NUDT2: variants seen among roughly 807,000 people sequenced by gnomAD.
The protein encoded by NUDT2 is nudix hydrolase 2.
Under a neutral mutation model 14.2 loss-of-function variants are expected in NUDT2, and 12 were observed. The ratio of observed to expected loss-of-function variants is 0.84; its 90% confidence interval spans 0.54 to 1.37. The LOEUF (loss-of-function observed/expected upper bound fraction) is 1.37, where lower values mean the gene tolerates loss of function less well. Among genes scored for constraint, NUDT2 ranks in the 40% most tolerant of loss-of-function variants. The probability of loss-of-function intolerance (pLI) is 0.00; values close to 1 mark genes in which losing one functional copy is unlikely to be tolerated. For synonymous variants in NUDT2, 67 were observed against 67.4 expected, an observed-to-expected ratio of 0.99 and a Z score of 0.03; for missense variants, 167 against 176.7, an observed-to-expected ratio of 0.95 and a Z score of 0.31.
intron 2 of NUDT2, among the ~76,000 whole-genome samples, chr9:34,338,269 G>A (rs1354681215): frequency 3.0e-5 from 4 of 134,056 alleles, no homozygotes; most frequent in African/African-American, 1.1e-4. Flanking sequence ...GAGGTAGGTG[G>A]ATCACTTCAG....
At chr9:34,332,042 CT>C (rs1235510341) in intron 1 of NUDT2, among the ~76,000 whole-genome samples, 17 of 152,208 alleles carry the variant, frequency 1.1e-4, no homozygotes, top group African/African-American at 4.1e-4. Context: ...TTGCAATAGA[CT>C]TGTAACTGGT....
chr9:34,338,535 T>C (rs1838156210), intron 2 of NUDT2, among the ~76,000 whole-genome samples, 178 bp from the exon 3 acceptor site: 1 of 144,968 alleles, frequency 6.9e-6, no homozygotes, highest in Non-Finnish European at 1.5e-5. Flanking sequence ...CAACGAAATA[T>C]TTTTTTCTAT....
At chr9:34,333,636 G>A (rs556769308) in intron 1 of NUDT2, among the ~76,000 whole-genome samples, 2 of 74,608 alleles carry the variant, frequency 2.7e-5, no homozygotes, top group South Asian at 5.8e-4. Context: ...GACACAGAGA[G>A]ACATTGTCAA....
chr9:34,339,457 G>C (rs1377271704), intron 4 of NUDT2, among the ~76,000 whole-genome samples: 3 of 152,172 alleles, frequency 2.0e-5, no homozygotes, highest in Non-Finnish European at 2.9e-5. Flanking sequence ...AAAAACAGTG[G>C]GCAGGGAATT....
intron 2 of NUDT2, among the ~76,000 whole-genome samples, chr9:34,338,326 C>CAAAAA: frequency 1.9e-4 from 2 of 10,406 alleles, no homozygotes; most frequent in Non-Finnish European, 6.0e-4. Context: ...GACCCTGTCT[C>CAAAAA]TAAAAAAAAA....
At chr9:34,332,290 G>C (rs1837963126) in intron 1 of NUDT2, among the ~76,000 whole-genome samples, 2 of 152,108 alleles carry the variant, frequency 1.3e-5, no homozygotes, top group Non-Finnish European at 2.9e-5. Context: ...CCTTCTGCCT[G>C]GTAAACTAGT....
rs117117451 is a variant in NUDT2, at chr9:34,329,795, C to T, written c.-265+196C>T. On this transcript the variant is annotated intron_variant, in intron 1 of 4. Transcript: ENST00000379158. ...AGGACCTCAGTTTTCCTGTCTGCAC[C>T]GGGAGAAGGGAGGTTCCCTGACTCT... 2.2e-3 allele frequency among the ~76,000 whole-genome samples: 334 copies of T among 152,248 alleles called. 9 individuals are homozygous for T. The East Asian group carries it at 0.06, about 27-fold the overall frequency.
intron 4 of NUDT2, among the ~76,000 whole-genome samples, chr9:34,341,816 G>A (rs1253776285): frequency 6.6e-6 from 1 of 152,114 alleles, no homozygotes; most frequent in Non-Finnish European, 1.5e-5. Flanking sequence ...GGACCCTGGG[G>A]AGTTTTTTGT....
Position 34,334,608 on chromosome 9 carries a change from A to G in NUDT2, c.-264-1621A>G, listed in dbSNP as rs80182343. Among the ~76,000 whole-genome samples the G allele has an allele frequency of 3.6e-3, 552 of 152,294 alleles. 2 individuals carry two copies. Among genetic ancestry groups the G allele is most frequent in the African/African-American group, 0.013 (537 of 41,574 alleles). ...GCACTCTTCAGGAAAACACTGGGCTATTTCCCAGGGCCCCAGAACATACTC... is the reference window on the plus strand; with the variant it reads ...GCACTCTTCAGGAAAACACTGGGCTGTTTCCCAGGGCCCCAGAACATACTC... On this transcript the variant is annotated intron_variant, in intron 1 of 4. Coordinates refer to ENST00000379158, the MANE Select transcript of NUDT2 (RefSeq NM_001161.5).
chr9:34,334,263 TA>T (rs1212660573), intron 1 of NUDT2, among the ~76,000 whole-genome samples: 2 of 152,228 alleles, frequency 1.3e-5, no homozygotes, highest in African/African-American at 4.8e-5. Flanking sequence ...AAGCCGAGAA[TA>T]TTTTTCCTTA....
At chr9:34,331,558 C>T (rs1469898525) in intron 1 of NUDT2, among the ~76,000 whole-genome samples, 2 of 152,160 alleles carry the variant, frequency 1.3e-5, no homozygotes, top group African/African-American at 4.8e-5. Context: ...GGTTGGACAG[C>T]TTGACTTACC....
intron 1 of NUDT2, among the ~76,000 whole-genome samples, chr9:34,335,327 G>A (rs1400599185): frequency 6.6e-6 from 1 of 152,158 alleles, no homozygotes; most frequent in African/African-American, 2.4e-5. Context: ...CACAGACTTC[G>A]GGCCCAACAC....
intron 4 of NUDT2, among the ~76,000 whole-genome samples, chr9:34,342,852 A>C (rs1224883688): frequency 6.6e-6 from 1 of 151,926 alleles, no homozygotes; most frequent in African/African-American, 2.4e-5. Flanking sequence ...CCCCATCTTT[A>C]CCAAATAAAT....
intron 1 of NUDT2, among the ~76,000 whole-genome samples, chr9:34,332,471 T>C (rs1233042695): frequency 6.6e-6 from 1 of 152,196 alleles, no homozygotes; most frequent in African/African-American, 2.4e-5. Context: ...CAGCTTCATA[T>C]CTATCTGTCA....
chr9:34,337,420 G>A (rs938017074), intron 2 of NUDT2, among the ~76,000 whole-genome samples: 1 of 152,142 alleles, frequency 6.6e-6, no homozygotes, highest in African/African-American at 2.4e-5. Flanking sequence ...CCCTCCTAAG[G>A]GGATATGCTA....
chr9:34,330,547 A>G (rs1440618976), intron 1 of NUDT2, among the ~76,000 whole-genome samples: 2 of 152,286 alleles, frequency 1.3e-5, no homozygotes, highest in African/African-American at 2.4e-5. Context: ...TCTCTGAGCT[A>G]TAGTTCCCTT....
At chr9:34,334,097 G>C (rs184334327) in intron 1 of NUDT2, among the ~76,000 whole-genome samples, 18 of 152,264 alleles carry the variant, frequency 1.2e-4, no homozygotes, top group African/African-American at 3.1e-4. Context: ...AGCTCTTCCT[G>C]TACCTAAAGT....
At chr9:34,340,421 G>C (rs1337177087) in intron 4 of NUDT2, among the ~76,000 whole-genome samples, 3 of 138,086 alleles carry the variant, frequency 2.2e-5, no homozygotes, top group African/African-American at 7.5e-5. Context: ...GATGGGCAGG[G>C]CCTTCTTAGA....
In NUDT2 at chr9:34,332,326, C is replaced by T. The variant is rs182644219; in HGVS notation, c.-265+2727C>T. On this transcript the variant is annotated intron_variant, in intron 1 of 4. Transcript: ENST00000379158. ...GACCCATCAGAATCCTTATGGGGTA[C>T]CTTGTTAACCTAAAGATGCTTCTTT... is the stretch of plus-strand genomic sequence containing the variant. Among the ~76,000 whole-genome samples, 25 of 152,334 alleles carry T rather than the reference C, an allele frequency of 1.6e-4. 1 individual carries two copies. Among genetic ancestry groups the T allele is most frequent in the African/African-American group, 6.0e-4 (25 of 41,576 alleles).
Sources: allele counts gnomAD v4.1 joint callset (sites outside exome capture counted in the v4.1 genomes callset), GRCh38; gene constraint gnomAD v4.1.1; transcripts MANE v1.5; gene names NCBI Gene and HGNC (gene_info 2026-07-23, HGNC 2026-07-21).